The following PIK3C2G variants were observed in gnomAD, a reference collection of about 807,000 sequenced individuals.
The protein encoded by PIK3C2G is phosphatidylinositol 3-kinase C2 domain-containing subunit gamma.
A neutral mutation model predicts 181.1 loss-of-function variants in PIK3C2G; 168 were observed. That is an observed-to-expected ratio of 0.93 (90% CI 0.82 to 1.05). The LOEUF is 1.05. Among genes scored for constraint, PIK3C2G ranks in the 50% least tolerant of loss-of-function variants. PIK3C2G has a pLI of 0.00. For missense variants in PIK3C2G, 1,869 were observed against 1,732.8 expected (o/e 1.08, Z -1.40); for synonymous variants, 573 against 592.2 (o/e 0.97, Z 0.47).
chr12:18,347,353 T>A (rs1420132845), intron 11 of PIK3C2G, among the ~76,000 whole-genome samples: 2 of 152,212 alleles, frequency 1.3e-5, no homozygotes, highest in African/African-American at 4.8e-5. Flanking sequence ...ACACATGGAA[T>A]ATCATCAGAT....
At chr12:18,402,582 C>G (rs117953810) in intron 16 of PIK3C2G, among the ~76,000 whole-genome samples, 10 of 152,242 alleles carry the variant, frequency 6.6e-5, no homozygotes, top group Non-Finnish European at 1.3e-4. Flanking sequence ...CTATGAATCT[C>G]TCTAATATCT....
intron 18 of PIK3C2G, among the ~76,000 whole-genome samples, chr12:18,460,652 C>G (rs1482670014): frequency 7.9e-6 from 1 of 126,460 alleles, no homozygotes; most frequent in Non-Finnish European, 1.7e-5. Flanking sequence ...ATATATAGCA[C>G]TTAGCACACT....
the PIK3C2G span, among the ~76,000 whole-genome samples, chr12:18,697,791 T>C: frequency 2.5e-5 from 3 of 122,302 alleles, no homozygotes; most frequent in African/African-American, 1.1e-4. Context: ...ATAATATTCA[T>C]CTACAACATT....
At chr12:18,688,073 T>C in the PIK3C2G span, 2 of 1,609,578 alleles carry the variant, frequency 1.2e-6, no homozygotes, top group African/African-American at 1.3e-5. Context: ...TTCAATAAGG[T>C]ATATCAGGAG....
At chr12:18,697,140 A>G in the PIK3C2G span, among the ~76,000 whole-genome samples, 536 of 152,252 alleles carry the variant, frequency 3.5e-3, 19 homozygotes, top group East Asian at 0.083. Context: ...TGTTTCTGCA[A>G]CCATTCCTGC....
At chr12:18,706,741 A>G in the PIK3C2G span, among the ~76,000 whole-genome samples, 1 of 152,200 alleles carries the variant, frequency 6.6e-6, no homozygotes, top group African/African-American at 2.4e-5. Flanking sequence ...TTTTCACAGC[A>G]CTCAGAACAG....
At chr12:18,710,662 G>A in the PIK3C2G span, among the ~76,000 whole-genome samples, 2 of 152,116 alleles carry the variant, frequency 1.3e-5, no homozygotes, top group Non-Finnish European at 1.5e-5. Context: ...GAGAGGTGAT[G>A]TTGGTTGACT....
chr12:18,438,163 C>T (rs1162817600), intron 18 of PIK3C2G, among the ~76,000 whole-genome samples: 1 of 151,674 alleles, frequency 6.6e-6, no homozygotes, highest in African/African-American at 2.4e-5. Context: ...TCAAGTCTTC[C>T]TTGACTGGAT....
intron 29 of PIK3C2G, among the ~76,000 whole-genome samples, chr12:18,572,360 G>T (rs981242988): frequency 2.0e-5 from 3 of 146,774 alleles, no homozygotes; most frequent in Non-Finnish European, 4.5e-5. Context: ...TATATAAAGC[G>T]ATATATATAA....
intron 30 of PIK3C2G, among the ~76,000 whole-genome samples, chr12:18,598,463 T>G (rs954163202): frequency 2.0e-5 from 3 of 151,652 alleles, no homozygotes; most frequent in African/African-American, 4.9e-5. Context: ...AAGCTGAAAC[T>G]GGAACCCTTC....
Position 18,566,953 on chromosome 12 carries a change from C to G in PIK3C2G, c.3907C>G (p.Pro1303Ala), listed in dbSNP as rs146312199. The G allele has an allele frequency of 6.4e-7, 1 of 1,560,448 alleles. No homozygotes were observed. The highest frequency in any genetic ancestry group is 8.8e-7 in the Non-Finnish European group (1 of 1,133,798). ...CTTTTTTTTCTCTTAAAACAGGTTT[C>G]CTCATTGGTGGCACCTACCTTTTAC... is the stretch of plus-strand genomic sequence containing the variant. ...QFASLTLPEF[P>A]HWWHLPFTNS... The change falls in exon 29 of 33, where the codon CCT (proline) becomes GCT (alanine). Residue 1303 changes from proline to alanine, a missense_variant. Coordinates refer to ENST00000538779, the MANE Select transcript of PIK3C2G (RefSeq NM_001288772.2).
chr12:18,693,597 C>T, the PIK3C2G span: 1 of 1,582,536 alleles, frequency 6.3e-7, no homozygotes. Flanking sequence ...TTTCGAGTTG[C>T]TGAAGAACGT....
chr12:18,600,824 C>T (rs1947668918), intron 30 of PIK3C2G, among the ~76,000 whole-genome samples: 2 of 152,098 alleles, frequency 1.3e-5, no homozygotes, highest in Admixed American at 1.3e-4. Flanking sequence ...AAAACTTTTA[C>T]ATTTTTCAAA....
At chr12:18,716,090 A>G in the PIK3C2G span, among the ~76,000 whole-genome samples, 1 of 152,142 alleles carries the variant, frequency 6.6e-6, no homozygotes, top group African/African-American at 2.4e-5. Context: ...GAGAAGAAAC[A>G]ATGTTTATTT....
chr12:18,726,748 A>T, the PIK3C2G span, among the ~76,000 whole-genome samples: 2 of 152,194 alleles, frequency 1.3e-5, no homozygotes, highest in African/African-American at 4.8e-5. Flanking sequence ...TTTTAATGTA[A>T]AATACAGCAT....
intron 15 of PIK3C2G, among the ~76,000 whole-genome samples, chr12:18,396,258 T>C (rs1374283437): frequency 6.6e-6 from 1 of 151,674 alleles, no homozygotes; most frequent in Non-Finnish European, 1.5e-5. Flanking sequence ...AATAATACTT[T>C]CCAGGAAAAT....
At chr12:18,325,706 C>CAAAAAAAAAAAAAAAAA (rs34711642) in intron 8 of PIK3C2G, among the ~76,000 whole-genome samples, 3 of 61,616 alleles carry the variant, frequency 4.9e-5, no homozygotes, top group African/African-American at 1.7e-4. Context: ...GACTCAGTCT[C>CAAAAAAAAAAAAAAAAA]AAAAAAAAAA....
At chr12:18,587,400 TATAC>T (rs1288364543) in intron 29 of PIK3C2G, among the ~76,000 whole-genome samples, 1 of 152,102 alleles carries the variant, frequency 6.6e-6, no homozygotes, top group African/African-American at 2.4e-5. Context: ...GTAGCATTCC[TATAC>T]ACCAACAAAG....
At chr12:18,531,257 T>A (rs1943538903) in intron 24 of PIK3C2G, among the ~76,000 whole-genome samples, 1 of 152,156 alleles carries the variant, frequency 6.6e-6, no homozygotes, top group Non-Finnish European at 1.5e-5. Flanking sequence ...AAGGTTTCTA[T>A]CAATATCTAT....
Sources: allele counts gnomAD v4.1 joint callset (sites outside exome capture counted in the v4.1 genomes callset), GRCh38; gene constraint gnomAD v4.1.1; transcripts MANE v1.5; gene names NCBI Gene and HGNC (gene_info 2026-07-23, HGNC 2026-07-21).